Variants in ADAMTSL1 observed in about 807,000 individuals in gnomAD.
ADAMTSL1 encodes ADAMTS-like protein 1.
Under a neutral mutation model 201.8 loss-of-function variants are expected in ADAMTSL1, and 126 were observed. The observed-to-expected ratio is 0.62, with a 90% confidence interval of 0.54 to 0.72. The LOEUF is 0.72. Ranked by LOEUF, ADAMTSL1 falls within the 30% of genes least tolerant of loss-of-function variation. The pLI, the probability that ADAMTSL1 is intolerant of heterozygous loss-of-function variation, is 0.00. For missense variants in ADAMTSL1, 2,679 were observed against 2,277.8 expected (o/e 1.18, Z -3.59); for synonymous variants, 1,121 against 903.4 (o/e 1.24, Z -4.32).
intron 1 of ADAMTSL1, among the ~76,000 whole-genome samples, chr9:18,079,721 A>ATAAATAAC (rs1823400306): frequency 6.6e-6 from 1 of 150,678 alleles, no homozygotes; most frequent in Non-Finnish European, 1.5e-5. Context: ...AAATAAATAA[A>ATAAATAAC]TAAATAAAAT....
chr9:18,599,402 G>A (rs952941885), intron 4 of ADAMTSL1, among the ~76,000 whole-genome samples: 3 of 152,178 alleles, frequency 2.0e-5, no homozygotes, highest in African/African-American at 7.2e-5. Context: ...GAAGGGGTGG[G>A]TGCTTAGGAG....
chr9:18,270,800 C>A (rs549977816), intron 2 of ADAMTSL1, among the ~76,000 whole-genome samples: 9 of 152,240 alleles, frequency 5.9e-5, no homozygotes, highest in East Asian at 1.9e-4. Flanking sequence ...ATGTCTAATT[C>A]GGCCATTAGC....
chr9:18,087,195 C>T (rs1243568381), intron 1 of ADAMTSL1, among the ~76,000 whole-genome samples: 1 of 152,078 alleles, frequency 6.6e-6, no homozygotes, highest in Non-Finnish European at 1.5e-5. Context: ...TCTTTTCTCC[C>T]TCCCTAAATG....
At chr9:18,753,163 T>C in intron 15 of ADAMTSL1, 135 bp from the exon 16 acceptor site, 2 of 793,340 alleles carry the variant, frequency 2.5e-6, no homozygotes, top group Non-Finnish European at 4.3e-6. Context: ...AGGCTTAAGA[T>C]AGAGCTGCCA....
rs189688817 is a variant in ADAMTSL1 at position 18,447,287 on chromosome 9, G to A, written c.208-57542G>A. 1.7e-4 allele frequency among the ~76,000 whole-genome samples: 26 copies of A among 152,316 alleles called. No homozygotes were observed. The East Asian group carries it at 4.6e-3, about 27-fold the overall frequency. ...ATGACAGCCAGAATTCTACTACAGA[G>A]CAAAGAGAGCCTGGAAATGTGTCAC... is the stretch of plus-strand genomic sequence containing the variant. On this transcript the variant is annotated intron_variant, in intron 2 of 29. Transcript: ENST00000680146.
intron 1 of ADAMTSL1, among the ~76,000 whole-genome samples, chr9:18,035,128 A>G (rs1177004424): frequency 6.6e-6 from 1 of 152,216 alleles, no homozygotes; most frequent in African/African-American, 2.4e-5. Flanking sequence ...CAAAGGATAA[A>G]TTGTGCTTAA....
intron 2 of ADAMTSL1, among the ~76,000 whole-genome samples, chr9:18,376,283 A>C (rs1237740193): frequency 6.6e-6 from 1 of 152,206 alleles, no homozygotes. Flanking sequence ...TCTAATAGGA[A>C]AGATAAGATA....
At chr9:18,620,859 C>T (rs887531984) in intron 4 of ADAMTSL1, among the ~76,000 whole-genome samples, 3 of 152,100 alleles carry the variant, frequency 2.0e-5, no homozygotes, top group African/African-American at 7.2e-5. Context: ...TTTTAAAAGA[C>T]GTTCATTTGC....
intron 1 of ADAMTSL1, among the ~76,000 whole-genome samples, chr9:18,015,045 T>C (rs1157128798): frequency 1.3e-5 from 2 of 152,056 alleles, no homozygotes; most frequent in Admixed American, 6.6e-5. Flanking sequence ...ATTGAATGTA[T>C]ACTATGCTGC....
At chr9:18,892,648 C>A (rs2131562817) in intron 26 of ADAMTSL1, 52 bp downstream of exon 26, 1 of 1,525,390 alleles carries the variant, frequency 6.6e-7, no homozygotes, top group Non-Finnish European at 8.8e-7. Flanking sequence ...AGGAATGGAC[C>A]CTGCCACAGT....
intron 2 of ADAMTSL1, among the ~76,000 whole-genome samples, chr9:18,231,889 C>T (rs978503431): frequency 1.3e-5 from 2 of 152,218 alleles, no homozygotes; most frequent in South Asian, 2.1e-4. Flanking sequence ...AGTCTTACCA[C>T]CTTTACTCAT....
At chr9:18,144,347 A>T (rs1826536233) in intron 1 of ADAMTSL1, among the ~76,000 whole-genome samples, 1 of 152,002 alleles carries the variant, frequency 6.6e-6, no homozygotes, top group South Asian at 2.1e-4. Flanking sequence ...CTGGGATTAC[A>T]GATGCCCACC....
intron 3 of ADAMTSL1, among the ~76,000 whole-genome samples, chr9:18,558,113 A>G (rs978196994): frequency 6.6e-6 from 1 of 152,054 alleles, no homozygotes; most frequent in Non-Finnish European, 1.5e-5. Context: ...GCACCCATCA[A>G]CCCATCATCT....
chr9:18,653,928 G>A (rs1175170479), intron 7 of ADAMTSL1, among the ~76,000 whole-genome samples: 1 of 152,212 alleles, frequency 6.6e-6, no homozygotes, highest in Non-Finnish European at 1.5e-5. Context: ...TTCCAAGGAG[G>A]GTAGAAAGTG....
chr9:18,736,057 A>T (rs1204969305), intron 15 of ADAMTSL1, among the ~76,000 whole-genome samples: 1 of 152,140 alleles, frequency 6.6e-6, no homozygotes, highest in African/African-American at 2.4e-5. Flanking sequence ...GCTGTAGAAA[A>T]CCACAGAAGG....
At chr9:18,535,708 A>G (rs1439087104) in intron 3 of ADAMTSL1, among the ~76,000 whole-genome samples, 1 of 152,206 alleles carries the variant, frequency 6.6e-6, no homozygotes, top group Non-Finnish European at 1.5e-5. Context: ...GAAACTTACA[A>G]TCATGGCAGA....
chr9:18,206,516 A>G (rs976858525), intron 2 of ADAMTSL1, among the ~76,000 whole-genome samples: 1 of 151,958 alleles, frequency 6.6e-6, no homozygotes. Flanking sequence ...TGTTACTATT[A>G]TAGTTTCTAA....
chr9:18,606,125 A>G (rs1005493721), intron 4 of ADAMTSL1, among the ~76,000 whole-genome samples: 2 of 151,866 alleles, frequency 1.3e-5, no homozygotes, highest in African/African-American at 4.8e-5. Context: ...GTTTGTTTCC[A>G]TTTGCTCCCT....
At chr9:17,944,271 A>C (rs1368076846) in intron 1 of ADAMTSL1, among the ~76,000 whole-genome samples, 2 of 152,088 alleles carry the variant, frequency 1.3e-5, no homozygotes, top group African/African-American at 2.4e-5. Context: ...CGTGAAGGAC[A>C]TCTTCAAGGA....
Sources: allele counts gnomAD v4.1 joint callset (sites outside exome capture counted in the v4.1 genomes callset), GRCh38; gene constraint gnomAD v4.1.1; transcripts MANE v1.5; gene names NCBI Gene and HGNC (gene_info 2026-07-23, HGNC 2026-07-21).